HYI: variants seen among roughly 807,000 people sequenced by gnomAD.
HYI encodes the protein hydroxypyruvate isomerase (putative), also known as putative hydroxypyruvate isomerase.
A neutral mutation model predicts 39.7 loss-of-function variants in HYI; 47 were observed. The ratio of observed to expected loss-of-function variants is 1.18; its 90% CI spans 0.94 to 1.51. HYI has a LOEUF of 1.51. HYI is among the 40% of genes most tolerant of loss of function. HYI has a pLI of 0.00. For missense variants in HYI, 465 were observed against 370.3 expected, an observed-to-expected ratio of 1.26 and a Z score of -2.10; for synonymous variants, 186 against 158.8, an observed-to-expected ratio of 1.17 and a Z score of -1.29.
rs771531613 is a variant in HYI, at chr1:43,453,806, C to T, written c.-13G>A. 28 of 1,241,058 alleles carry T rather than the reference C, an allele frequency of 2.3e-5. No individual in the cohort carries two copies. The African/African-American group carries it at 4.0e-4, about 18-fold the overall frequency. 76.9% of individuals were successfully genotyped at this position (1,241,058 alleles called of 1,614,324 possible). A position where few individuals can be genotyped will look rare whatever the true frequency, so the allele number is the denominator to read the frequency against. On this transcript the variant is annotated 5_prime_UTR_variant, in exon 1 of 8. Transcript: ENST00000372430. ...GCAGCGGCGCCATGCCTGGGGAGGC[C>T]GGGCCGGGCGGAGTCCGCGGGATCC...
At chr1:43,453,555 C>T (rs975737999) in intron 1 of HYI, 40 bp downstream of exon 1, 1 of 1,520,022 alleles carries the variant, frequency 6.6e-7, no homozygotes, top group East Asian at 2.5e-5. Context: ...CGCGCCCCGG[C>T]ACCCCCCAGC....
In HYI at chr1:43,453,654, G is replaced by A. The variant is rs1341648574; in HGVS notation, c.140C>T (p.Ala47Val). ...CGCTTCTCGCGCGGCGCGCGCCAGC[G>A]CCTCAGGCGTCTCCGCGTACGGCCA... ...VAWPYAETPE[A>V]LARAAREAGL... The change falls in exon 1 of 8, where the codon GCG becomes GTG. Residue 47 changes from alanine to valine, a missense_variant. Physicochemically the swap from Ala to Val is moderately conservative, Grantham distance 64. Coordinates refer to ENST00000372430, the MANE Select transcript of HYI (RefSeq NM_001190880.3). 3.4e-6 allele frequency: 5 copies of A among 1,486,392 alleles called. No homozygotes were observed. The highest frequency in any genetic ancestry group is 4.7e-5 in the Admixed American group (2 of 42,334). The allele number at this position is 1,486,392 out of a possible 1,614,324, so 92.1% of individuals were successfully genotyped here. A position where few individuals can be genotyped will look rare whatever the true frequency, so the allele number is the denominator to read the frequency against.
Position 43,453,431 on chromosome 1 carries a change from C to T in HYI, c.266G>A (p.Gly89Glu). Residue 89 changes from glycine (G) to glutamate (E), a missense_variant, in exon 2 of 8, where the codon GGA becomes GAA. Transcript: ENST00000372430. ...VPGRQAAFRE[G>E]LEQAVRYAKA... The stretch of plus-strand genomic sequence containing the variant: ...GGCATACCGCACGGCCTGCTCCAGT[C>T]CCTCTCGGAAGGCCGCCTGTCTCCC... The T allele has an allele frequency of 3.2e-6, 5 of 1,562,784 alleles. No homozygotes were observed. The highest frequency in any genetic ancestry group is 3.5e-6 in the Non-Finnish European group (4 of 1,152,538).
intron 2 of HYI, chr1:43,453,140 A>G: frequency 1.4e-6 from 1 of 689,852 alleles, no homozygotes; most frequent in Non-Finnish European, 2.6e-6. Context: ...TTACTCTCCT[A>G]TCTGCCTAGG....
chr1:43,453,797 T>A lies in HYI; in HGVS notation c.-4A>T, dbSNP rs1656742149. Reference sequence around the variant, plus strand: ...CGGAGAAGCGCAGCGGCGCCATGCCTGGGGAGGCCGGGCCGGGCGGAGTCC... The same window carrying A: ...CGGAGAAGCGCAGCGGCGCCATGCCAGGGGAGGCCGGGCCGGGCGGAGTCC... On this transcript the variant is annotated 5_prime_UTR_variant, in exon 1 of 8. Coordinates refer to ENST00000372430, the MANE Select transcript of HYI (RefSeq NM_001190880.3). The A allele has an allele frequency of 7.9e-7, 1 of 1,260,074 alleles. No homozygotes were observed. Among genetic ancestry groups the A allele is most frequent in the African/African-American group, 1.6e-5 (1 of 63,706 alleles). 78.1% of individuals were successfully genotyped at this position (1,260,074 alleles called of 1,614,324 possible). A position where few individuals can be genotyped will look rare whatever the true frequency, so the allele number is the denominator to read the frequency against.
At position 43,453,862 on chromosome 1, in the gene HYI, G is replaced by GGCGGCGGGCGGCA; in HGVS notation, c.-70_-69insTGCCGCCCGCCGC. ...CGGCGGGCGGCGGGCGGCGGGCGGC[G>GGCGGCGGGCGGCA]GGCGGGGGCGGGGCTCTCCTTGCTG... is the stretch of plus-strand genomic sequence containing the variant. On this transcript the variant is annotated 5_prime_UTR_variant, in exon 1 of 8. Transcript: ENST00000372430. The GGCGGCGGGCGGCA allele has an allele frequency of 8.2e-7, 1 of 1,226,114 alleles. No homozygotes were observed. The highest frequency in any genetic ancestry group is 4.4e-5 in the Admixed American group (1 of 22,752). 76.0% of individuals were successfully genotyped at this position (1,226,114 alleles called of 1,614,324 possible). A position where few individuals can be genotyped will look rare whatever the true frequency, so the allele number is the denominator to read the frequency against.
Position 43,453,378 on chromosome 1 carries a change from C to A in HYI, c.311+8G>T. The A allele has an allele frequency of 6.5e-7, 1 of 1,534,124 alleles. No individual in the cohort carries two copies. Among genetic ancestry groups the A allele is most frequent in the Non-Finnish European group, 8.8e-7 (1 of 1,133,180 alleles). On this transcript the variant is annotated splice_region_variant and intron_variant, in intron 2 of 7. Coordinates refer to ENST00000372430, the MANE Select transcript of HYI (RefSeq NM_001190880.3). ...TCACAGGGGTGGGGGTGGGGTGGAGCGGGGTACCTGGGACAGCCCAGGGCT... is the reference window on the plus strand; with the variant it reads ...TCACAGGGGTGGGGGTGGGGTGGAGAGGGGTACCTGGGACAGCCCAGGGCT...
Position 43,451,529 on chromosome 1 carries a change from G to T in HYI, c.641C>A (p.Ala214Glu), listed in dbSNP as rs1341731833. The T allele has an allele frequency of 6.2e-7, 1 of 1,614,080 alleles. No homozygotes were observed. Among genetic ancestry groups the T allele is most frequent in the South Asian group, 1.1e-5 (1 of 91,080 alleles). The change falls in exon 7 of 8, where the codon GCA (alanine) becomes GAA (glutamate). Residue 214 changes from alanine to glutamate, a missense_variant. Ala to Glu is a moderately radical substitution (Grantham distance 107). Transcript: ENST00000372430. The part of the protein sequence containing the change: ...FLPIVGHVQV[A>E]QVPGRGEPSS... ...GGGCTCCCCTCGGCCTGGGACCTGTGCCACCTGCACATGCCCTGGGGACAG... is the reference window on the plus strand; with the variant it reads ...GGGCTCCCCTCGGCCTGGGACCTGTTCCACCTGCACATGCCCTGGGGACAG...
chr1:43,450,629 G>A (rs1308066155), downstream of HYI: 2 of 1,234,538 alleles, frequency 1.6e-6, no homozygotes, highest in Non-Finnish European at 2.2e-6. The surrounding 1 kb of genome is among the most constrained non-coding windows in gnomAD (Gnocchi z 4.3). Context: ...ATGTCTTGAG[G>A]GTCTGCTGCC....
intron 2 of HYI, chr1:43,453,092 TG>T: frequency 1.2e-6 from 1 of 807,212 alleles, no homozygotes; most frequent in East Asian, 2.7e-5. Context: ...CACAGCTTCC[TG>T]GAATAGGCCT....
chr1:43,452,109 T>A, intron 3 of HYI, 96 bp from the exon 4 acceptor site: 1 of 1,503,786 alleles, frequency 6.6e-7, no homozygotes, highest in South Asian at 1.2e-5. Flanking sequence ...TCCTCTGACC[T>A]AGGCTGGCAG....
Position 43,453,762 on chromosome 1 carries a change from G to C in HYI, c.32C>G (p.Ser11Cys), listed in dbSNP as rs901383791. MAPLRFSANLSWLFPELSGLP... is the reference protein window; with the variant it reads MAPLRFSANLCWLFPELSGLP... Reference sequence around the variant, plus strand: ...GCCGGAGAGCTCGGGGAATAGCCAGGACAGATTGGCGGAGAAGCGCAGCGG... The same window carrying C: ...GCCGGAGAGCTCGGGGAATAGCCAGCACAGATTGGCGGAGAAGCGCAGCGG... Residue 11 changes from serine (S) to cysteine (C), a missense_variant, in exon 1 of 8, where the codon TCC (serine) becomes TGC (cysteine). By Grantham distance (112) the Ser-to-Cys change is moderately radical (BLOSUM62 -1). Transcript: ENST00000372430. 2 of 1,316,048 alleles carry C rather than the reference G, an allele frequency of 1.5e-6. No homozygotes were observed. The highest frequency in any genetic ancestry group is 4.6e-5 in the South Asian group (2 of 43,552). 81.5% of individuals were successfully genotyped at this position (1,316,048 alleles called of 1,614,324 possible). A position where few individuals can be genotyped will look rare whatever the true frequency, so the allele number is the denominator to read the frequency against.
chr1:43,451,608 G>T, intron 6 of HYI, 40 bp downstream of exon 6: 1 of 1,614,012 alleles, frequency 6.2e-7, no homozygotes, highest in Non-Finnish European at 8.5e-7. Context: ...GACAGATGTG[G>T]GGATTGAAAG....
rs1355615901 is a variant in HYI at position 43,452,338 on chromosome 1, G to C, written c.312-19C>G. 1 of 1,593,558 alleles carries C rather than the reference G, an allele frequency of 6.3e-7. No individual in the cohort carries two copies. Among genetic ancestry groups the C allele is most frequent in the Non-Finnish European group, 8.6e-7 (1 of 1,162,702 alleles). On this transcript the variant is annotated intron_variant, in intron 2 of 7. Transcript: ENST00000372430. The stretch of plus-strand genomic sequence containing the variant: ...GTGGATCCTGTGGGGAAGATGGACT[G>C]GAGGCCTTGCCTCCCTTGGCTCTCT...
Position 43,451,932 on chromosome 1 carries a change from T to C in HYI, c.505+3A>G. 6.2e-7 allele frequency: 1 copy of C among 1,612,730 alleles called. No homozygotes were observed. Among genetic ancestry groups the C allele is most frequent in the Non-Finnish European group, 8.5e-7 (1 of 1,178,974 alleles). ...AGAAGGAGAGACAGGGCTGGGGTCG[T>C]ACCCTGCTGGGGCGTGTCCAGGAAG... is the stretch of plus-strand genomic sequence containing the variant. On this transcript the variant is annotated splice_donor_region_variant and intron_variant, in intron 4 of 7. Transcript: ENST00000372430.
At chr1:43,452,353 C>A in intron 2 of HYI, 34 bp from the exon 3 acceptor site, 2 of 1,516,548 alleles carry the variant, frequency 1.3e-6, no homozygotes, top group African/African-American at 1.4e-5. Context: ...CCTTGCCTCC[C>A]TTGGCTCTCT....
intron 4 of HYI, 42 bp from the exon 5 acceptor site, chr1:43,451,889 A>G: frequency 6.2e-7 from 1 of 1,613,932 alleles, no homozygotes; most frequent in Non-Finnish European, 8.5e-7. Flanking sequence ...CCTCAAGAGC[A>G]CAGGAATCAA....
In HYI at chr1:43,453,356, C is replaced by A. The variant is rs377473419; in HGVS notation, c.311+30G>T. The A allele has an allele frequency of 1.1e-5, 13 of 1,157,182 alleles. No individual in the cohort carries two copies. The African/African-American group carries it at 1.8e-4, about 16-fold the overall frequency. The allele number at this position is 1,157,182 out of a possible 1,614,324, so 71.7% of individuals were successfully genotyped here. Reference sequence around the variant, plus strand: ...GAACCTGCATCAGGGTCATGGGTCACAGGGGTGGGGGTGGGGTGGAGCGGG... The same window carrying A: ...GAACCTGCATCAGGGTCATGGGTCAAAGGGGTGGGGGTGGGGTGGAGCGGG... On this transcript the variant is annotated intron_variant, in intron 2 of 7. Coordinates refer to ENST00000372430, the MANE Select transcript of HYI (RefSeq NM_001190880.3).
intron 2 of HYI, chr1:43,453,038 C>T (rs753264789): frequency 2.2e-5 from 29 of 1,333,046 alleles, no homozygotes; most frequent in Middle Eastern, 1.8e-4. Flanking sequence ...TACCTGTAAG[C>T]AGCTTTCTCT....
Sources: gnomAD v4.1 joint callset for allele counts on GRCh38, gnomAD v4.1.1 for gene constraint, Gnocchi (gnomAD v3.1) non-coding constraint, MANE v1.5 for transcripts, NCBI Gene and HGNC (gene_info 2026-07-23, HGNC 2026-07-21) for gene names.